Variants in SYTL3 observed in about 807,000 individuals in gnomAD.
SYTL3 encodes synaptotagmin-like protein 3.
SYTL3 carries 88 observed loss-of-function variants against 82.1 expected under a neutral mutation model. The observed-to-expected ratio is 1.07, with a 90% confidence interval of 0.90 to 1.28. SYTL3 has a LOEUF of 1.28. Among genes scored for constraint, SYTL3 ranks in the 50% most tolerant of loss-of-function variants. SYTL3 has a pLI of 0.00. For synonymous variants in SYTL3, 311 were observed against 289.4 expected, an observed-to-expected ratio of 1.07 and a Z score of -0.76; for missense variants, 831 against 757.6, an observed-to-expected ratio of 1.10 and a Z score of -1.14.
At chr6:158,760,584 A>T in intron 14 of SYTL3, 56 bp from the exon 15 acceptor site, 1 of 1,506,704 alleles carries the variant, frequency 6.6e-7, no homozygotes, top group Non-Finnish European at 9.2e-7. Flanking sequence ...AGAGGAACCC[A>T]GAAGGTTCTT....
In SYTL3 at chr6:158,745,580, A is replaced by T; in HGVS notation, c.956A>T (p.Lys319Ile). Residue 319 changes from lysine to isoleucine, a missense_variant, in exon 12 of 18, where the codon AAA (lysine) becomes ATA (isoleucine). Lys to Ile is a moderately radical substitution (Grantham distance 102). Coordinates refer to ENST00000611299, the MANE Select transcript of SYTL3 (RefSeq NM_001242394.2). The stretch of plus-strand genomic sequence containing the variant: ...GAATTTGCCATTCATTATTGCTTCA[A>T]AACCCATTCTTTAGAAATATGCATC... ...EIEFAIHYCFKTHSLEICIKA... is the reference protein window; with the variant it reads ...EIEFAIHYCFITHSLEICIKA... The T allele has an allele frequency of 6.2e-7, 1 of 1,613,898 alleles. No homozygotes were observed. The highest frequency in any genetic ancestry group is 8.5e-7 in the Non-Finnish European group (1 of 1,179,962).
intron 6 of SYTL3, among the ~76,000 whole-genome samples, chr6:158,699,334 T>A (rs1035752607): frequency 2.6e-5 from 4 of 152,168 alleles, no homozygotes; most frequent in Admixed American, 2.6e-4. Context: ...GGCACTGGTA[T>A]GGTTGGGGGT....
chr6:158,742,692 C>T (rs1021938425), intron 11 of SYTL3, among the ~76,000 whole-genome samples: 1 of 151,992 alleles, frequency 6.6e-6, no homozygotes, highest in Non-Finnish European at 1.5e-5. Context: ...TATCCTGCCT[C>T]AGCCTCCTGA....
At chr6:158,691,530 C>G (rs190229265) in intron 6 of SYTL3, among the ~76,000 whole-genome samples, 4 of 152,120 alleles carry the variant, frequency 2.6e-5, no homozygotes, top group African/African-American at 9.7e-5. Flanking sequence ...AAATGATGCC[C>G]TCTTCTGGCT....
Position 158,717,286 on chromosome 6 carries a change from GTAAA to G in SYTL3, c.596-798_596-795del, listed in dbSNP as rs1414419397. Among the ~76,000 whole-genome samples, 12 of 135,922 alleles carry G rather than the reference GTAAA, an allele frequency of 8.8e-5. No homozygotes were observed. The East Asian group carries it at 1.6e-3, about 18-fold the overall frequency. The allele number at this position is 135,922 out of a possible 152,430, so 89.2% of individuals were successfully genotyped here. A position where few individuals can be genotyped will look rare whatever the true frequency, so the allele number is the denominator to read the frequency against. On this transcript the variant is annotated intron_variant, in intron 9 of 17. Transcript: ENST00000611299. ...GAGACTCTATTTCAAAAATAAATAA[GTAAA>G]TAGAGTTAATTTTACCTGTTTTTTT...
chr6:158,748,257 TA>T (rs893758570), intron 12 of SYTL3, among the ~76,000 whole-genome samples: 32 of 152,158 alleles, frequency 2.1e-4, no homozygotes, highest in African/African-American at 7.7e-4. Context: ...ATTGTTGATT[TA>T]ATCAAACTCT....
In SYTL3 at chr6:158,760,662, T is replaced by G. The variant is rs771912427; in HGVS notation, c.1331T>G (p.Val444Gly). 1.2e-6 allele frequency: 2 copies of G among 1,614,016 alleles called. No individual in the cohort carries two copies. Among genetic ancestry groups the G allele is most frequent in the Admixed American group, 3.3e-5 (2 of 60,018 alleles). ...CAGGCGGAGAAATACGAAGACAGCG[T>G]TCCTCAGAGTAATGGAGAGCTCACA... ...RAKAEKYEDS[V>G]PQSNGELTVR... Residue 444 changes from valine to glycine, a missense_variant, in exon 15 of 18, where the codon GTT (valine) becomes GGT (glycine). By Grantham distance (109) the Val-to-Gly change is moderately radical. Transcript: ENST00000611299.
At chr6:158,734,482 G>A (rs985320368) in intron 11 of SYTL3, among the ~76,000 whole-genome samples, 5 of 152,038 alleles carry the variant, frequency 3.3e-5, no homozygotes, top group Admixed American at 6.5e-5. Flanking sequence ...CTACCCCATC[G>A]CTCATTCCAC....
chr6:158,728,367 G>A (rs1784990395), intron 11 of SYTL3, among the ~76,000 whole-genome samples: 1 of 151,518 alleles, frequency 6.6e-6, no homozygotes. Context: ...AAAGACTGTT[G>A]TATCCCACAG....
intron 14 of SYTL3, among the ~76,000 whole-genome samples, chr6:158,759,955 A>G (rs537911414): frequency 1.4e-4 from 21 of 152,168 alleles, no homozygotes; most frequent in South Asian, 2.1e-4. Flanking sequence ...GCCCAAGACA[A>G]TTCTTCCAGT....
chr6:158,656,069 G>A (rs1469822381), intron 2 of SYTL3, among the ~76,000 whole-genome samples: 2 of 152,190 alleles, frequency 1.3e-5, no homozygotes, highest in Non-Finnish European at 2.9e-5. Flanking sequence ...TGGGATGCCT[G>A]TGCTTTAGAA....
At chr6:158,663,504 G>T in intron 4 of SYTL3, 126 bp downstream of exon 4, 1 of 1,483,852 alleles carries the variant, frequency 6.7e-7, no homozygotes, top group Non-Finnish European at 9.0e-7. Flanking sequence ...TCGTGCCTGA[G>T]AAGGGTCCTA....
In SYTL3 at chr6:158,742,653, A is replaced by G. The variant is rs142314941; in HGVS notation, c.856-2827A>G. Among the ~76,000 whole-genome samples, 262 of 150,622 alleles carry G rather than the reference A, an allele frequency of 1.7e-3. 1 individual carries two copies. Among genetic ancestry groups the G allele is most frequent in the African/African-American group, 5.6e-3 (230 of 40,974 alleles). Reference sequence around the variant, plus strand: ...TGCAGTGGTGTGATCTTGGCTCACTACAACCTCCGCCTCCTGGATTCAAGC... The same window carrying G: ...TGCAGTGGTGTGATCTTGGCTCACTGCAACCTCCGCCTCCTGGATTCAAGC... On this transcript the variant is annotated intron_variant, in intron 11 of 17. Transcript: ENST00000611299.
chr6:158,736,365 CTG>C (rs1374823288), intron 11 of SYTL3, among the ~76,000 whole-genome samples: 2 of 150,562 alleles, frequency 1.3e-5, no homozygotes, highest in Non-Finnish European at 3.0e-5. Flanking sequence ...AAAAGAAAAA[CTG>C]TCAACAACCA....
chr6:158,749,663 T>C (rs117482780), intron 12 of SYTL3, among the ~76,000 whole-genome samples: 2 of 151,920 alleles, frequency 1.3e-5, no homozygotes, highest in East Asian at 3.9e-4. Context: ...TTAAAAAAAA[T>C]TTTCAGTAGT....
intron 10 of SYTL3, among the ~76,000 whole-genome samples, chr6:158,722,175 T>G (rs527982629): frequency 1.2e-4 from 18 of 148,992 alleles, no homozygotes; most frequent in South Asian, 6.4e-4. Flanking sequence ...TTGTTTGTTT[T>G]TTTGAGACAG....
At chr6:158,754,174 G>A (rs1788775561) in intron 13 of SYTL3, among the ~76,000 whole-genome samples, 1 of 152,156 alleles carries the variant, frequency 6.6e-6, no homozygotes, top group Non-Finnish European at 1.5e-5. Flanking sequence ...CATCAAATGC[G>A]AGGATCTAGA....
In SYTL3 at chr6:158,751,994, G is replaced by A; in HGVS notation, c.1101G>A (p.Arg367=). 6.2e-7 allele frequency: 1 copy of A among 1,604,212 alleles called. No individual in the cohort carries two copies. The highest frequency in any genetic ancestry group is 8.5e-7 in the Non-Finnish European group (1 of 1,175,892). ...SQGKRKTGVQ[R]NTVDPTFQET... is the part of the protein sequence containing the mutation. Reference sequence around the variant, plus strand: ...GAAAGCGCAAGACTGGAGTCCAAAGGAACACCGTGGACCCGACCTTTCAGG... The same window carrying A: ...GAAAGCGCAAGACTGGAGTCCAAAGAAACACCGTGGACCCGACCTTTCAGG... Residue 367 remains arginine, a synonymous_variant, in exon 13 of 18, where the codon AGG becomes AGA. Coordinates refer to ENST00000611299, the MANE Select transcript of SYTL3 (RefSeq NM_001242394.2).
At chr6:158,742,439 C>T (rs183796294) in intron 11 of SYTL3, among the ~76,000 whole-genome samples, 1 of 152,310 alleles carries the variant, frequency 6.6e-6, no homozygotes, top group Admixed American at 6.5e-5. Context: ...TTCCAGATGA[C>T]TCTTCCTCCT....
Sources: allele counts gnomAD v4.1 joint callset (sites outside exome capture counted in the v4.1 genomes callset), GRCh38; gene constraint gnomAD v4.1.1; transcripts MANE v1.5; gene names NCBI Gene and HGNC (gene_info 2026-07-23, HGNC 2026-07-21).